The following FAF1 variants were observed in gnomAD, a reference collection of about 807,000 sequenced individuals.
FAF1 encodes FAS-associated factor 1.
In FAF1, 25 loss-of-function variants were observed where a neutral mutation model predicts 92.5. That is an observed-to-expected ratio of 0.27 (90% confidence interval 0.20 to 0.38). FAF1 has a LOEUF of 0.38. Ranked by LOEUF, FAF1 falls within the 10% of genes least tolerant of loss-of-function variation. The pLI is 1.00. For synonymous variants in FAF1, 234 were observed against 273.2 expected, an observed-to-expected ratio of 0.86 and a Z score of 1.42; for missense variants, 636 against 793.3, an observed-to-expected ratio of 0.80 and a Z score of 2.38.
At chr1:50,885,312 T>TCTCTCTCTCTCTCTCTCACACA (rs906105476) in intron 1 of FAF1, among the ~76,000 whole-genome samples, 1 of 137,370 alleles carries the variant, frequency 7.3e-6, no homozygotes, top group Non-Finnish European at 1.6e-5. Context: ...TCTCTCTCTC[T>TCTCTCTCTCTCTCTCTCACACA]CACACACACA....
chr1:50,699,828 G>T (rs944888106), intron 7 of FAF1, among the ~76,000 whole-genome samples: 3 of 152,108 alleles, frequency 2.0e-5, no homozygotes, highest in African/African-American at 7.2e-5. Context: ...GACATCTACA[G>T]TGATAACTTT....
intron 1 of FAF1, among the ~76,000 whole-genome samples, chr1:50,911,573 T>G (rs576518879): frequency 6.6e-6 from 1 of 151,912 alleles, no homozygotes; most frequent in Admixed American, 6.5e-5. Context: ...GGCACCTGCC[T>G]GTAGTCTCAG....
intron 7 of FAF1, among the ~76,000 whole-genome samples, chr1:50,699,230 A>C (rs1162594112): frequency 6.6e-6 from 1 of 152,084 alleles, no homozygotes; most frequent in Non-Finnish European, 1.5e-5. Context: ...TTGTATCCTA[A>C]CCCACATAGT....
chr1:50,795,689 T>A (rs767140522), intron 3 of FAF1, among the ~76,000 whole-genome samples: 1 of 152,224 alleles, frequency 6.6e-6, no homozygotes, highest in Non-Finnish European at 1.5e-5. Flanking sequence ...CCTAACAGCT[T>A]ACTAAACTTT....
chr1:50,814,143 A>G (rs1425962777), intron 2 of FAF1, among the ~76,000 whole-genome samples: 1 of 152,192 alleles, frequency 6.6e-6, no homozygotes, highest in African/African-American at 2.4e-5. Flanking sequence ...ACTGTACTAT[A>G]CTGCAGGTAA....
chr1:50,822,665 T>C (rs1013519626), intron 2 of FAF1, among the ~76,000 whole-genome samples: 3 of 152,070 alleles, frequency 2.0e-5, no homozygotes, highest in African/African-American at 4.8e-5. Flanking sequence ...TGTCAACTAA[T>C]AGTCCTTTCC....
At chr1:50,557,294 G>C (rs1220961745) in intron 13 of FAF1, among the ~76,000 whole-genome samples, 1 of 152,220 alleles carries the variant, frequency 6.6e-6, no homozygotes, top group Non-Finnish European at 1.5e-5. Context: ...TTAGCCAACA[G>C]TAGATAAACT....
At chr1:50,870,164 A>G (rs1171690754) in intron 1 of FAF1, among the ~76,000 whole-genome samples, 2 of 152,236 alleles carry the variant, frequency 1.3e-5, no homozygotes, top group African/African-American at 2.4e-5. Flanking sequence ...GCATTTTTAA[A>G]AAATTGAAGG....
chr1:50,722,870 T>C (rs888664719), intron 6 of FAF1, among the ~76,000 whole-genome samples: 4 of 152,184 alleles, frequency 2.6e-5, no homozygotes, highest in African/African-American at 9.6e-5. Context: ...TCGACCATTT[T>C]ACTTCCTCTT....
intron 1 of FAF1, among the ~76,000 whole-genome samples, chr1:50,884,465 T>C (rs976405288): frequency 6.6e-6 from 1 of 151,456 alleles, no homozygotes; most frequent in South Asian, 2.1e-4. Flanking sequence ...TAGGTGGAGG[T>C]TGCAGTAAGC....
rs376613551 is a variant in FAF1, at chr1:50,907,585, A to C, written c.46-49588T>G. ...TGTTATTGGTCTATTCAGGGATTCA[A>C]CTTCTTCCTGGTTTAGTCTTGGGAG... On this transcript the variant is annotated intron_variant, in intron 1 of 18. Transcript: ENST00000396153. Among the ~76,000 whole-genome samples, 81 of 152,234 alleles carry C rather than the reference A, an allele frequency of 5.3e-4. No individual in the cohort carries two copies. The East Asian group carries it at 0.011, about 21-fold the overall frequency.
At chr1:50,800,563 T>C (rs1350084182) in intron 3 of FAF1, among the ~76,000 whole-genome samples, 2 of 152,196 alleles carry the variant, frequency 1.3e-5, no homozygotes, top group African/African-American at 4.8e-5. Context: ...TGAAAATCTT[T>C]CTGACAGTTT....
chr1:50,959,460 A>C (rs1357545969), intron 1 of FAF1, among the ~76,000 whole-genome samples: 1 of 152,134 alleles, frequency 6.6e-6, no homozygotes, highest in Non-Finnish European at 1.5e-5. Context: ...CACCAATTAA[A>C]ACAAAAACTC....
chr1:50,693,245 G>T (rs969609565), intron 7 of FAF1, among the ~76,000 whole-genome samples: 6 of 152,128 alleles, frequency 3.9e-5, no homozygotes, highest in Non-Finnish European at 1.5e-5. Flanking sequence ...TGTCTGGTGT[G>T]AGGGAACAGT....
chr1:50,741,270 T>C (rs769584101), intron 5 of FAF1, among the ~76,000 whole-genome samples: 77 of 152,314 alleles, frequency 5.1e-4, no homozygotes, highest in East Asian at 7.7e-4. Context: ...GGCAGTTGAA[T>C]AGCATCTGTC....
intron 13 of FAF1, among the ~76,000 whole-genome samples, chr1:50,556,760 C>A (rs551462432): frequency 1.3e-5 from 2 of 152,124 alleles, no homozygotes; most frequent in South Asian, 4.1e-4. Context: ...CTGCTTGAGC[C>A]TAGCAGGTTG....
Position 50,840,418 on chromosome 1 carries a change from C to T in FAF1, c.114+17511G>A, listed in dbSNP as rs529090474. Among the ~76,000 whole-genome samples, 16 of 151,626 alleles carry T rather than the reference C, an allele frequency of 1.1e-4. No individual in the cohort carries two copies. The South Asian group carries it at 3.3e-3, about 32-fold the overall frequency. ...TATAACTCAATAATAAGAAGAAAAT[C>T]CAAATATAATGCACAAAAGATTTTA... is the stretch of plus-strand genomic sequence containing the variant. On this transcript the variant is annotated intron_variant, in intron 2 of 18. Transcript: ENST00000396153.
chr1:50,649,290 TTACAGGCATGCGC>T (rs1337089777), intron 8 of FAF1, among the ~76,000 whole-genome samples: 4 of 151,982 alleles, frequency 2.6e-5, no homozygotes, highest in Non-Finnish European at 5.9e-5. Flanking sequence ...GTAGCTGGGA[TTACAGGCATGCGC>T]CACACACCTG....
At chr1:50,652,175 T>C (rs1458986555) in intron 8 of FAF1, among the ~76,000 whole-genome samples, 2 of 152,194 alleles carry the variant, frequency 1.3e-5, no homozygotes, top group East Asian at 3.8e-4. Flanking sequence ...GGATTCCCTC[T>C]TGTGTTTGCT....
Sources: allele counts gnomAD v4.1 joint callset (sites outside exome capture counted in the v4.1 genomes callset), GRCh38; gene constraint gnomAD v4.1.1; transcripts MANE v1.5; gene names NCBI Gene and HGNC (gene_info 2026-07-23, HGNC 2026-07-21).